The following CDH24 variants were observed in gnomAD, a reference collection of about 807,000 sequenced individuals.
CDH24 encodes the protein cadherin 24.
CDH24 carries 61 observed loss-of-function variants against 71.2 expected under a neutral mutation model. That is an observed-to-expected ratio of 0.86 (90% CI 0.70 to 1.06). The LOEUF is 1.06. Ranked by LOEUF, CDH24 falls within the 50% of genes least tolerant of loss-of-function variation. The pLI, the probability that CDH24 is intolerant of heterozygous loss-of-function variation, is 0.00. For synonymous variants in CDH24, 440 were observed against 470.2 expected, an observed-to-expected ratio of 0.94 and a Z score of 0.83; for missense variants, 961 against 1,083.7, an observed-to-expected ratio of 0.89 and a Z score of 1.59.
Position 23,055,097 on chromosome 14 carries a change from C to T in CDH24, c.458G>A (p.Gly153Glu). ...INDNPPIFPL[G>E]PYHATVPEMS... ...CTCGGGCACGGTGGCATGGTAGGGC[C>T]CAAGGGGAAAAATGGGTGGATTGTC... The change falls in exon 3 of 13, where the codon GGG becomes GAG. Residue 153 changes from glycine to glutamate, a missense_variant. By Grantham distance (98) the Gly-to-Glu change is moderately conservative. Transcript: ENST00000487137. The surrounding 1 kb of genome is among the most constrained non-coding windows in gnomAD (Gnocchi z 4.1). 1.9e-6 allele frequency: 3 copies of T among 1,613,480 alleles called. No homozygotes were observed. The highest frequency in any genetic ancestry group is 2.5e-6 in the Non-Finnish European group (3 of 1,179,656).
chr14:23,047,770 G>A lies in CDH24; in HGVS notation c.*210C>T. 1 of 368,864 alleles carries A rather than the reference G, an allele frequency of 2.7e-6. No homozygotes were observed. Among genetic ancestry groups the A allele is most frequent in the Non-Finnish European group, 4.8e-6 (1 of 207,836 alleles). 22.8% of individuals were successfully genotyped at this position (368,864 alleles called of 1,614,324 possible). On this transcript the variant is annotated 3_prime_UTR_variant, in exon 12 of 13. Transcript: ENST00000487137. ...GACAGAGGAGCGTGTCACAGATAGA[G>A]ACAAAGATTCCTGGAGAGAGACACA...
In CDH24 at chr14:23,054,789, C is replaced by G; in HGVS notation, c.574G>C (p.Val192Leu). The G allele has an allele frequency of 6.2e-7, 1 of 1,614,138 alleles. No homozygotes were observed. Among genetic ancestry groups the G allele is most frequent in the Non-Finnish European group, 8.5e-7 (1 of 1,180,036 alleles). ...GAGAAGAAAGGCAGTCCATCCAGAA[C>G]AGTGTACACCAGCTTGGCACTGTTC... ...YGNSAKLVYT[V>L]LDGLPFFSVD... The change falls in exon 4 of 13, where the codon GTT becomes CTT. Residue 192 changes from valine to leucine, a missense_variant. This residue lies in a region of CDH24 where 671 missense variants were observed against 810.9 expected (regional missense o/e 0.83). Coordinates refer to ENST00000487137, the MANE Select transcript of CDH24 (RefSeq NM_144985.4). This position sits in a 1 kb window ranked among gnomAD's most constrained non-coding sequence, Gnocchi z 5.2.
rs1156320055 is a variant in CDH24, at chr14:23,048,165, G to C, written c.2161C>G (p.Pro721Ala). 5 of 1,355,168 alleles carry C rather than the reference G, an allele frequency of 3.7e-6. No homozygotes were observed. Among genetic ancestry groups the C allele is most frequent in the Non-Finnish European group, 4.8e-6 (5 of 1,050,824 alleles). 83.9% of individuals were successfully genotyped at this position (1,355,168 alleles called of 1,614,324 possible). A position where few individuals can be genotyped will look rare whatever the true frequency, so the allele number is the denominator to read the frequency against. The part of the protein sequence containing the change: ...READEDPGVP[P>A]YDSVQVYGYE... ...CCGTACACCTGCACCGAGTCGTACGGGGGTACGCCGGGGTCCTCGTCCGCC... is the reference window on the plus strand; with the variant it reads ...CCGTACACCTGCACCGAGTCGTACGCGGGTACGCCGGGGTCCTCGTCCGCC... Residue 721 changes from proline to alanine, a missense_variant, in exon 12 of 13, where the codon CCG becomes GCG. By Grantham distance (27) the Pro-to-Ala change is conservative (BLOSUM62 -1). This residue lies in a region of CDH24 where 290 missense variants were observed against 272.8 expected (regional missense o/e 1.06). Transcript: ENST00000487137.
In CDH24 at chr14:23,047,881, C is replaced by T. The variant is rs2047051904; in HGVS notation, c.*99G>A. The T allele has an allele frequency of 7.5e-6, 7 of 929,674 alleles. No homozygotes were observed. In the East Asian group the frequency reaches 1.8e-4, roughly 24 times the overall value. The allele number at this position is 929,674 out of a possible 1,614,324, so 57.6% of individuals were successfully genotyped here. The stretch of plus-strand genomic sequence containing the variant: ...ACAAGGACAGGGAGGAGGCCTGGGG[C>T]CCCTGGGCTGCTGCCGCCCGCCTGG... On this transcript the variant is annotated 3_prime_UTR_variant, in exon 12 of 13. Transcript: ENST00000487137.
In CDH24 at chr14:23,054,933, G is replaced by GGC; in HGVS notation, c.497-68_497-67insGC. ...GGATGGGGAAGAACAACCGATGGGG[G>GGC]GGGATGCAGATACGAGGGAGGCTGA... On this transcript the variant is annotated intron_variant, in intron 3 of 12. Transcript: ENST00000487137. The surrounding 1 kb of genome is among the most constrained non-coding windows in gnomAD (Gnocchi z 5.2). 6.2e-7 allele frequency: 1 copy of GGC among 1,604,590 alleles called. No individual in the cohort carries two copies. Among genetic ancestry groups the GGC allele is most frequent in the Non-Finnish European group, 8.5e-7 (1 of 1,175,698 alleles).
chr14:23,047,518 AT>A lies in CDH24; in HGVS notation c.*461del. 6.5e-6 allele frequency: 1 copy of A among 153,902 alleles called. No individual in the cohort carries two copies. Among genetic ancestry groups the A allele is most frequent in the Non-Finnish European group, 1.4e-5 (1 of 69,268 alleles). 9.5% of individuals were successfully genotyped at this position (153,902 alleles called of 1,614,324 possible). ...CAGCAGTGGCTGGAAGTTTCTCTTGATTTTGGGATGGACAACAGAAAAAAAC... is the reference window on the plus strand; with the variant it reads ...CAGCAGTGGCTGGAAGTTTCTCTTGATTTGGGATGGACAACAGAAAAAAAC... On this transcript the variant is annotated 3_prime_UTR_variant, in exon 12 of 13. Transcript: ENST00000487137.
Position 23,055,195 on chromosome 14 carries a change from T to C in CDH24, c.360A>G (p.Gln120=). 6.2e-7 allele frequency: 1 copy of C among 1,614,206 alleles called. No homozygotes were observed. The highest frequency in any genetic ancestry group is 8.5e-7 in the Non-Finnish European group (1 of 1,180,030). The change falls in exon 3 of 13, where the codon CAA becomes CAG. Residue 120 remains glutamine, a synonymous_variant. Coordinates refer to ENST00000487137, the MANE Select transcript of CDH24 (RefSeq NM_144985.4). The surrounding 1 kb of genome is among the most constrained non-coding windows in gnomAD (Gnocchi z 4.1). ...EEKAQYVLLA[Q]AVDRASNRPL... The stretch of plus-strand genomic sequence containing the variant: ...GCCGGTTGGAGGCTCGGTCCACGGC[T>C]TGGGCCAGTAGCACATATTGCGCCT...
chr14:23,052,390 T>TA, intron 8 of CDH24, 83 bp downstream of exon 8: 2 of 1,484,980 alleles, frequency 1.3e-6, no homozygotes, highest in Non-Finnish European at 1.9e-6. Flanking sequence ...CGATGGCAGT[T>TA]AGCACCCTTC....
chr14:23,052,982 A>G (rs746496016), intron 7 of CDH24, among the ~76,000 whole-genome samples: 5 of 151,956 alleles, frequency 3.3e-5, no homozygotes, highest in African/African-American at 9.7e-5. Context: ...TTTAACCTCT[A>G]TTTACTCAAC....
chr14:23,052,731 A>G (rs2047094547), intron 7 of CDH24, 122 bp from the exon 8 acceptor site: 1 of 1,013,394 alleles, frequency 9.9e-7, no homozygotes, highest in Admixed American at 2.1e-5. Flanking sequence ...GGGTAGAGCC[A>G]TAATTCAGGT....
At chr14:23,050,234 G>A (rs2047076127) in intron 8 of CDH24, 2 of 303,786 alleles carry the variant, frequency 6.6e-6, no homozygotes, top group Non-Finnish European at 1.2e-5. Context: ...CAGGGCACAT[G>A]CAGCATAAAT....
In CDH24 at chr14:23,047,954, G is replaced by A. The variant is rs1476857640; in HGVS notation, c.*26C>T. 2.4e-6 allele frequency: 3 copies of A among 1,260,328 alleles called. No individual in the cohort carries two copies. Among genetic ancestry groups the A allele is most frequent in the Admixed American group, 4.4e-5 (1 of 22,938 alleles). 78.1% of individuals were successfully genotyped at this position (1,260,328 alleles called of 1,614,324 possible). On this transcript the variant is annotated 3_prime_UTR_variant, in exon 12 of 13. Transcript: ENST00000487137. ...GGCCTGTGCCCGCTGCCCCCCCCCC[G>A]CGGTGGGCCGGGCCAGCCCGGGCGC... is the stretch of plus-strand genomic sequence containing the variant.
In CDH24 at chr14:23,048,129, G is replaced by A. The variant is rs1296302583; in HGVS notation, c.2197C>T (p.Arg733Cys). The A allele has an allele frequency of 5.7e-6, 8 of 1,399,138 alleles. No homozygotes were observed. The highest frequency in any genetic ancestry group is 6.5e-6 in the Non-Finnish European group (7 of 1,080,480). 86.7% of individuals were successfully genotyped at this position (1,399,138 alleles called of 1,614,324 possible). A position where few individuals can be genotyped will look rare whatever the true frequency, so the allele number is the denominator to read the frequency against. ...CTGAGGGAGCCGCAAGAGGAGCCGC[G>A]GCCCTCGTAGCCGTACACCTGCACC... ...DSVQVYGYEG[R>C]GSSCGSLSSL... The change falls in exon 12 of 13, where the codon CGC (arginine) becomes TGC (cysteine). Residue 733 changes from arginine (R) to cysteine (C), a missense_variant. Around this residue, in one of 2 missense-constraint regions of CDH24, gnomAD observed 290 missense variants for 272.8 expected, o/e 1.06. Transcript: ENST00000487137.
chr14:23,054,654 G>A lies in CDH24; in HGVS notation c.636C>T (p.Ile212=). The change falls in exon 5 of 13, where the codon ATC becomes ATT. Residue 212 remains isoleucine (I), a synonymous_variant. Transcript: ENST00000487137. The surrounding 1 kb of genome is among the most constrained non-coding windows in gnomAD (Gnocchi z 5.2). The part of the protein sequence containing the change: ...DPQTGVVRTA[I]PNMDRETQEE... ...CCTGTGTCTCCCGGTCCATGTTGGGGATGGCTGTACGCACCACTCCTAGGG... is the reference window on the plus strand; with the variant it reads ...CCTGTGTCTCCCGGTCCATGTTGGGAATGGCTGTACGCACCACTCCTAGGG... 2.8e-5 allele frequency: 45 copies of A among 1,614,120 alleles called. No individual in the cohort carries two copies. The highest frequency in any genetic ancestry group is 3.8e-5 in the Non-Finnish European group (45 of 1,180,014).
Position 23,048,478 on chromosome 14 carries a change from G to A in CDH24, c.1848C>T (p.Ala616=), listed in dbSNP as rs1177469473. ...AIITCVGALL[A]LVVLFVALRR... ...GCAGGGCCACGAAGAGCACCACCAG[G>A]GCTGCGCGAGAGGCGCGCACACAGG... Residue 616 remains alanine, a splice_region_variant and synonymous_variant, in exon 12 of 13, where the codon GCC becomes GCT. Transcript: ENST00000487137. The A allele has an allele frequency of 1.2e-6, 2 of 1,605,214 alleles. No individual in the cohort carries two copies. Among genetic ancestry groups the A allele is most frequent in the Admixed American group, 3.3e-5 (2 of 59,954 alleles).
In CDH24 at chr14:23,047,652, T is replaced by C. The variant is rs1050465965; in HGVS notation, c.*328A>G. 8 of 229,544 alleles carry C rather than the reference T, an allele frequency of 3.5e-5. No homozygotes were observed. Among genetic ancestry groups the C allele is most frequent in the South Asian group, 1.7e-4 (1 of 5,868 alleles). The allele number at this position is 229,544 out of a possible 1,614,324, so 14.2% of individuals were successfully genotyped here. On this transcript the variant is annotated 3_prime_UTR_variant, in exon 12 of 13. Transcript: ENST00000487137. ...AGACGCAGGGAGACTATGTGTGAGC[T>C]TCAGAACTGCAGAGACAAAACGCCA... is the stretch of plus-strand genomic sequence containing the variant.
chr14:23,048,166 G>A lies in CDH24; in HGVS notation c.2160C>T (p.Pro720=). ...CGTACACCTGCACCGAGTCGTACGG[G>A]GGTACGCCGGGGTCCTCGTCCGCCT... ...LREADEDPGV[P]PYDSVQVYGY... Residue 720 remains proline (P), a synonymous_variant, in exon 12 of 13, where the codon CCC becomes CCT. Coordinates refer to ENST00000487137, the MANE Select transcript of CDH24 (RefSeq NM_144985.4). 1 of 1,355,012 alleles carries A rather than the reference G, an allele frequency of 7.4e-7. No individual in the cohort carries two copies. Among genetic ancestry groups the A allele is most frequent in the Non-Finnish European group, 9.5e-7 (1 of 1,050,656 alleles). 83.9% of individuals were successfully genotyped at this position (1,355,012 alleles called of 1,614,324 possible). A position where few individuals can be genotyped will look rare whatever the true frequency, so the allele number is the denominator to read the frequency against.
intron 6 of CDH24, 49 bp from the exon 7 acceptor site, chr14:23,053,798 C>A: frequency 1.3e-6 from 2 of 1,543,792 alleles, no homozygotes; most frequent in Non-Finnish European, 1.7e-6. Flanking sequence ...GAAACCAGGG[C>A]AGGTCCCAGG....
intron 9 of CDH24, 37 bp from the exon 10 acceptor site, chr14:23,049,775 G>C (rs370300266): frequency 5.5e-5 from 88 of 1,612,472 alleles, no homozygotes; most frequent in Admixed American, 1.7e-4. Context: ...TATGGAGTGG[G>C]CTGCTGGAGG....
Sources: gnomAD v4.1 joint callset for allele counts (sites outside exome capture counted in the v4.1 genomes callset) on GRCh38, gnomAD v4.1.1 for gene constraint, gnomAD v4.1.1 regional missense constraint, Gnocchi (gnomAD v3.1) non-coding constraint, MANE v1.5 for transcripts, NCBI Gene and HGNC (gene_info 2026-07-23, HGNC 2026-07-21) for gene names.